USP40: variants seen among roughly 807,000 people sequenced by gnomAD.
USP40 encodes the protein ubiquitin carboxyl-terminal hydrolase 40.
Under a neutral mutation model 166.2 loss-of-function variants are expected in USP40, and 143 were observed. The ratio of observed to expected loss-of-function variants is 0.86; its 90% CI spans 0.75 to 0.99. USP40 has a LOEUF of 0.99. USP40 is among the 50% of genes least tolerant of loss of function. The probability of loss-of-function intolerance (pLI) is 0.00; values close to 1 mark genes in which losing one functional copy is unlikely to be tolerated. For synonymous variants in USP40, 498 were observed against 524.0 expected (o/e 0.95, Z 0.68); for missense variants, 1,444 against 1,479.7 (o/e 0.98, Z 0.40).
At chr2:233,499,339 T>C (rs2065926632) in intron 22 of USP40, among the ~76,000 whole-genome samples, 1 of 152,200 alleles carries the variant, frequency 6.6e-6, no homozygotes, top group Admixed American at 6.5e-5. Context: ...GGACATGATC[T>C]CATTCCTTTC....
At chr2:233,487,277 A>C (rs1481018942) in intron 28 of USP40, among the ~76,000 whole-genome samples, 1 of 152,250 alleles carries the variant, frequency 6.6e-6, no homozygotes, top group Non-Finnish European at 1.5e-5. Flanking sequence ...GAATATGAGA[A>C]CAAGATAATC....
chr2:233,564,094 T>C (rs1255763974), intron 2 of USP40, among the ~76,000 whole-genome samples: 1 of 152,024 alleles, frequency 6.6e-6, no homozygotes, highest in East Asian at 1.9e-4. Context: ...GGGGATCGAG[T>C]CAAGGCTAAG....
At chr2:233,511,622 C>A in intron 20 of USP40, 87 bp downstream of exon 20, 4 of 967,162 alleles carry the variant, frequency 4.1e-6, no homozygotes, top group East Asian at 2.8e-5. Context: ...TAGAGAAAAA[C>A]AATATTACTG....
chr2:233,527,562 C>T lies in USP40; in HGVS notation c.1570G>A (p.Ala524Thr), dbSNP rs146199864. The change falls in exon 13 of 32, where the codon GCA becomes ACA. Residue 524 changes from alanine to threonine, a missense_variant. By Grantham distance (58) the Ala-to-Thr change is moderately conservative. Coordinates refer to ENST00000678225, the MANE Select transcript of USP40 (RefSeq NM_001365479.2). ...AGATGCAATTCAAAAGTATTGTTTGCAGAATCACATTCTGCCCTTTAAAGA... is the reference window on the plus strand; with the variant it reads ...AGATGCAATTCAAAAGTATTGTTTGTAGAATCACATTCTGCCCTTTAAAGA... ...LQTKRAECDS[A>T]NNTFELHLHL... 7.0e-5 allele frequency: 113 copies of T among 1,609,380 alleles called. No individual in the cohort carries two copies. The East Asian group carries it at 2.5e-3, about 36-fold the overall frequency.
At position 233,509,563 on chromosome 2, in the gene USP40, G is replaced by A. The variant is rs118066627; in HGVS notation, c.2613+486C>T. ...TTATTTAAAATTTCCAGTTGAGGCC[G>A]AGTGGAATGGCTCATGCCTGTAATC... On this transcript the variant is annotated intron_variant, in intron 21 of 31. Coordinates refer to ENST00000678225, the MANE Select transcript of USP40 (RefSeq NM_001365479.2). Among the ~76,000 whole-genome samples the A allele has an allele frequency of 6.3e-3, 966 of 152,154 alleles. 22 individuals carry two copies. The East Asian group carries it at 0.084, about 13-fold the overall frequency.
chr2:233,486,475 G>A lies in USP40; in HGVS notation c.3198-498C>T, dbSNP rs1246883172. Among the ~76,000 whole-genome samples the A allele has an allele frequency of 6.6e-6, 1 of 152,186 alleles. No homozygotes were observed. The highest frequency in any genetic ancestry group is 2.4e-5 in the African/African-American group (1 of 41,450). Reference sequence around the variant, plus strand: ...CACAGGGCGGGTGAGACACAAGGCTGCAGCTGTGGGAGATGGGAAACCTTA... The same window carrying A: ...CACAGGGCGGGTGAGACACAAGGCTACAGCTGTGGGAGATGGGAAACCTTA... On this transcript the variant is annotated intron_variant, in intron 28 of 31. Transcript: ENST00000678225. This position sits in a 1 kb window ranked among gnomAD's most constrained non-coding sequence, Gnocchi z 4.0.
chr2:233,477,413 G>A lies in USP40; in HGVS notation c.3690C>T (p.Ile1230=). Residue 1230 remains isoleucine, a synonymous_variant, in exon 32 of 32, where the codon ATC becomes ATT. Coordinates refer to ENST00000678225, the MANE Select transcript of USP40 (RefSeq NM_001365479.2). ...GCGGTTATCTGAAGCTCCCCACGTG[G>A]ATGGAGAGAGAAGTTTCCGGGGCTC... ...RPRAPETSLS[I]HVGSFR 6.2e-7 allele frequency: 1 copy of A among 1,613,772 alleles called. No homozygotes were observed. Among genetic ancestry groups the A allele is most frequent in the Non-Finnish European group, 8.5e-7 (1 of 1,179,850 alleles).
chr2:233,566,551 A>C (rs2072178059), intron 1 of USP40, 133 bp downstream of exon 1: 7 of 422,326 alleles, frequency 1.7e-5, no homozygotes, highest in Non-Finnish European at 2.2e-5. Flanking sequence ...CACTGCCCCG[A>C]CTCCAGGAGA....
rs2068122494 is a variant in USP40, at chr2:233,527,527, G to A, written c.1605C>T (p.Gly535=). ...CCCCATTGAAGAAATGATACTGAGG[G>A]CCCAGGTGAAGATGCAATTCAAAAG... ...NNTFELHLHL[G]PQYHFFNGAL... Residue 535 remains glycine, a synonymous_variant, in exon 13 of 32, where the codon GGC becomes GGT. Coordinates refer to ENST00000678225, the MANE Select transcript of USP40 (RefSeq NM_001365479.2). 1.2e-6 allele frequency: 2 copies of A among 1,613,076 alleles called. No individual in the cohort carries two copies. Among genetic ancestry groups the A allele is most frequent in the Non-Finnish European group, 1.7e-6 (2 of 1,179,592 alleles).
chr2:233,507,382 A>C (rs75881749), intron 21 of USP40, among the ~76,000 whole-genome samples: 1,943 of 152,354 alleles, frequency 0.013, 38 homozygotes, highest in East Asian at 0.083. Flanking sequence ...CCCATGTTTA[A>C]TGGAGCATTA....
chr2:233,495,872 A>C (rs902427941), intron 24 of USP40, among the ~76,000 whole-genome samples: 3 of 152,244 alleles, frequency 2.0e-5, no homozygotes, highest in African/African-American at 7.2e-5. Context: ...AAGTTACGAA[A>C]ATGAATAAGG....
chr2:233,498,984 T>C (rs1454341079), intron 22 of USP40, among the ~76,000 whole-genome samples: 2 of 152,344 alleles, frequency 1.3e-5, no homozygotes, highest in African/African-American at 4.8e-5. Context: ...CCAGGTGGTA[T>C]ACATCTTAGC....
chr2:233,536,873 T>C (rs978535474), intron 10 of USP40, among the ~76,000 whole-genome samples: 3 of 152,042 alleles, frequency 2.0e-5, no homozygotes, highest in Non-Finnish European at 2.9e-5. Context: ...TATATTGTAT[T>C]AGGTTTTTTT....
chr2:233,507,799 T>C (rs2066531135), intron 21 of USP40, among the ~76,000 whole-genome samples: 1 of 152,036 alleles, frequency 6.6e-6, no homozygotes, highest in Admixed American at 6.6e-5. Flanking sequence ...TAGTTAACAG[T>C]AAGGATTGTA....
chr2:233,488,925 G>A (rs2065129089), intron 27 of USP40, among the ~76,000 whole-genome samples: 1 of 151,534 alleles, frequency 6.6e-6, no homozygotes, highest in African/African-American at 2.4e-5. Context: ...AGAAAGAAAA[G>A]GAAAGAAAGG....
At chr2:233,566,636 A>G (rs571329361) in intron 1 of USP40, 48 bp downstream of exon 1, 62 of 964,966 alleles carry the variant, frequency 6.4e-5, no homozygotes, top group Non-Finnish European at 7.4e-5. Flanking sequence ...CACTGTCCCT[A>G]CGCTTCCCAC....
At chr2:233,541,450 C>A (rs2069404119) in intron 9 of USP40, among the ~76,000 whole-genome samples, 1 of 152,200 alleles carries the variant, frequency 6.6e-6, no homozygotes, top group South Asian at 2.1e-4. Flanking sequence ...AAGAAGACGG[C>A]CATCTGCAAG....
intron 21 of USP40, among the ~76,000 whole-genome samples, chr2:233,505,454 A>C (rs1253603310): frequency 1.3e-5 from 2 of 152,154 alleles, no homozygotes; most frequent in Non-Finnish European, 2.9e-5. Flanking sequence ...CTAAGAAAAA[A>C]AGAGTGAAGA....
chr2:233,484,343 C>G (rs2064811452), intron 30 of USP40, among the ~76,000 whole-genome samples: 1 of 152,192 alleles, frequency 6.6e-6, no homozygotes. Context: ...TGACGTGGCT[C>G]TAACAGAAGC....
Sources: gnomAD v4.1 joint callset for allele counts (sites outside exome capture counted in the v4.1 genomes callset) on GRCh38, gnomAD v4.1.1 for gene constraint, Gnocchi (gnomAD v3.1) non-coding constraint, MANE v1.5 for transcripts, NCBI Gene and HGNC (gene_info 2026-07-23, HGNC 2026-07-21) for gene names.